MGAT4C: variants seen among roughly 807,000 people sequenced by gnomAD.
The protein encoded by MGAT4C is MGAT4 family member C, also known as alpha-1,3-mannosyl-glycoprotein 4-beta-N-acetylglucosaminyltransferase C.
Under a neutral mutation model 40.1 loss-of-function variants are expected in MGAT4C, and 19 were observed. That is an observed-to-expected ratio of 0.47 (90% confidence interval 0.33 to 0.70). The LOEUF is 0.70. MGAT4C is among the 30% of genes least tolerant of loss of function. MGAT4C has a pLI of 0.02. For synonymous variants in MGAT4C, 181 were observed against 187.1 expected (o/e 0.97, Z 0.27); for missense variants, 491 against 563.2 (o/e 0.87, Z 1.30).
At chr12:86,783,706 T>A (rs565021901) in intron 1 of MGAT4C, among the ~76,000 whole-genome samples, 156 of 152,292 alleles carry the variant, frequency 1.0e-3, no homozygotes, top group African/African-American at 3.4e-3. Flanking sequence ...TTTCTTTTTT[T>A]AAAAATGATA....
At chr12:86,232,469 T>C (rs1951362891) in intron 1 of MGAT4C, among the ~76,000 whole-genome samples, 1 of 152,204 alleles carries the variant, frequency 6.6e-6, no homozygotes, top group Non-Finnish European at 1.5e-5. Context: ...GATGCCAGTG[T>C]GTTTTGGTTT....
At chr12:86,367,645 A>G (rs1301131867) in intron 3 of MGAT4C, among the ~76,000 whole-genome samples, 1 of 152,098 alleles carries the variant, frequency 6.6e-6, no homozygotes, top group Non-Finnish European at 1.5e-5. Flanking sequence ...TAAAAATACA[A>G]AAAATTAGCT....
At chr12:86,739,133 C>CAAAAAAAAAAAAAAAAAAAAA (rs59869666) in intron 1 of MGAT4C, among the ~76,000 whole-genome samples, 11 of 39,772 alleles carry the variant, frequency 2.8e-4, no homozygotes, top group African/African-American at 5.3e-4. Flanking sequence ...TTTCCCTGTG[C>CAAAAAAAAAAAAAAAAAAAAA]AAAAAAAAAA....
chr12:86,739,197 A>AAGCAAAC (rs1251048833), intron 1 of MGAT4C, among the ~76,000 whole-genome samples: 4 of 149,592 alleles, frequency 2.7e-5, no homozygotes, highest in Admixed American at 2.0e-4. Context: ...GCTTTTTGGA[A>AAGCAAAC]AGCAAACAAA....
chr12:86,260,771 G>C (rs1448665153), upstream of MGAT4C, among the ~76,000 whole-genome samples: 3 of 151,802 alleles, frequency 2.0e-5, no homozygotes, highest in Admixed American at 6.6e-5. Context: ...TTTCTCAAAG[G>C]CTTCTTAAAG....
intron 1 of MGAT4C, among the ~76,000 whole-genome samples, chr12:86,113,859 A>G (rs1284939014): frequency 1.3e-5 from 2 of 151,936 alleles, no homozygotes; most frequent in Non-Finnish European, 2.9e-5. Flanking sequence ...AAACAGAAAC[A>G]TTTCCAGGAA....
intron 2 of MGAT4C, among the ~76,000 whole-genome samples, chr12:86,713,554 T>C (rs922158448): frequency 2.0e-5 from 3 of 152,094 alleles, no homozygotes; most frequent in African/African-American, 4.8e-5. Flanking sequence ...TTGAAGACTA[T>C]ATGCTACAAG....
At chr12:85,984,800 A>G (rs113535594) in intron 3 of MGAT4C, among the ~76,000 whole-genome samples, 12,412 of 151,826 alleles carry the variant, frequency 0.082, 1,124 homozygotes, top group African/African-American at 0.23. Context: ...TTTCTTTGAG[A>G]TGGAGTCTGG....
At chr12:86,578,854 T>C (rs1035997185) in intron 2 of MGAT4C, among the ~76,000 whole-genome samples, 2 of 151,692 alleles carry the variant, frequency 1.3e-5, no homozygotes, top group African/African-American at 4.8e-5. Flanking sequence ...ATTTCTGCTC[T>C]GATCTTTATT....
chr12:86,455,101 G>A lies in MGAT4C; in HGVS notation c.-228-19836C>T, dbSNP rs186541150. 1.8e-3 allele frequency among the ~76,000 whole-genome samples: 267 copies of A among 152,160 alleles called. 2 individuals carry two copies. The highest frequency in any genetic ancestry group is 6.1e-3 in the African/African-American group (253 of 41,530). Reference sequence around the variant, plus strand: ...TTATTATTTAATTTAGGATGCCCTTGTATCATTTTAAAACCTCTATGAGTT... The same window carrying A: ...TTATTATTTAATTTAGGATGCCCTTATATCATTTTAAAACCTCTATGAGTT... On this transcript the variant is annotated intron_variant, in intron 2 of 7. Coordinates refer to the MGAT4C transcript ENST00000548651.
chr12:86,363,473 G>A (rs1164719987), intron 3 of MGAT4C, among the ~76,000 whole-genome samples: 7 of 151,824 alleles, frequency 4.6e-5, no homozygotes, highest in Admixed American at 1.3e-4. Flanking sequence ...GAGTTGGGGG[G>A]AAAATTTATA....
At chr12:86,055,094 C>G (rs1053175413) in intron 1 of MGAT4C, among the ~76,000 whole-genome samples, 1 of 151,956 alleles carries the variant, frequency 6.6e-6, no homozygotes, top group Non-Finnish European at 1.5e-5. Context: ...TGTTGACAAG[C>G]AGTAAATATT....
chr12:86,322,494 T>C (rs1954419869), intron 4 of MGAT4C, among the ~76,000 whole-genome samples: 1 of 152,146 alleles, frequency 6.6e-6, no homozygotes, highest in African/African-American at 2.4e-5. Flanking sequence ...TTTCTTTCTT[T>C]TGTTTCTTTC....
chr12:86,123,564 A>G (rs1879788177), intron 1 of MGAT4C, among the ~76,000 whole-genome samples: 1 of 152,148 alleles, frequency 6.6e-6, no homozygotes, highest in South Asian at 2.1e-4. Context: ...TGACAAGAAT[A>G]TCTAACATTT....
chr12:86,776,801 T>C lies in MGAT4C; in HGVS notation c.-261-49560A>G, dbSNP rs75917185. Among the ~76,000 whole-genome samples the C allele has an allele frequency of 3.5e-3, 533 of 152,248 alleles. 3 individuals carry two copies. The highest frequency in any genetic ancestry group is 0.012 in the African/African-American group (515 of 41,570). On this transcript the variant is annotated intron_variant, in intron 1 of 7. Transcript: ENST00000548651. ...GTTAGATTACTTCCTTCTCACACTT[T>C]GAATACATTCAAATCAAATGAGACA...
At chr12:86,680,217 C>G (rs1949955244) in intron 2 of MGAT4C, among the ~76,000 whole-genome samples, 1 of 151,862 alleles carries the variant, frequency 6.6e-6, no homozygotes, top group Non-Finnish European at 1.5e-5. Flanking sequence ...CATGCAGACA[C>G]ATTGTATTTG....
intron 2 of MGAT4C, among the ~76,000 whole-genome samples, chr12:86,499,117 T>C (rs1958290820): frequency 6.6e-6 from 1 of 151,932 alleles, no homozygotes; most frequent in Non-Finnish European, 1.5e-5. Context: ...GTATGTAACA[T>C]ATAAAAATGC....
rs1296297972 is a variant in MGAT4C at position 85,976,667 on chromosome 12, A to ATATTATATATATGTATATATG, written c.*2601_*2621dup. 4.8e-5 allele frequency: 7 copies of ATATTATATATATGTATATATG among 146,602 alleles called. No homozygotes were observed. Among genetic ancestry groups the ATATTATATATATGTATATATG allele is most frequent in the Admixed American group, 4.1e-4 (6 of 14,530 alleles). 9.1% of individuals were successfully genotyped at this position (146,602 alleles called of 1,614,324 possible). A position where few individuals can be genotyped will look rare whatever the true frequency, so the allele number is the denominator to read the frequency against. ...GAAAATTATATATATATGTATATATATATTATATATATGTATATATGTATT... is the reference window on the plus strand; with the variant it reads ...GAAAATTATATATATATGTATATATATATTATATATATGTATATATGTATTATATATATGTATATATGTATT... On this transcript the variant is annotated 3_prime_UTR_variant, in exon 5 of 5. Coordinates refer to ENST00000611864, the MANE Select transcript of MGAT4C (RefSeq NM_001351288.2).
chr12:86,407,882 T>C (rs1238331350), intron 3 of MGAT4C, among the ~76,000 whole-genome samples: 2 of 152,070 alleles, frequency 1.3e-5, no homozygotes, highest in African/African-American at 4.8e-5. Flanking sequence ...CACAGTCTAG[T>C]CAAGCATTAA....
Sources: gnomAD v4.1 joint callset for allele counts (sites outside exome capture counted in the v4.1 genomes callset) on GRCh38, gnomAD v4.1.1 for gene constraint, MANE v1.5 for transcripts, NCBI Gene and HGNC (gene_info 2026-07-23, HGNC 2026-07-21) for gene names.